TRAPPC9: variants seen among roughly 807,000 people sequenced by gnomAD.
TRAPPC9 encodes IKK2 binding protein.
A neutral mutation model predicts 124.0 loss-of-function variants in TRAPPC9; 83 were observed. The ratio of observed to expected loss-of-function variants is 0.67; its 90% confidence interval spans 0.56 to 0.80. The LOEUF (loss-of-function observed/expected upper bound fraction) is 0.80. Among genes scored for constraint, TRAPPC9 ranks in the 30% least tolerant of loss-of-function variants. TRAPPC9 has a pLI of 0.00. For missense variants in TRAPPC9, 1,302 were observed against 1,508.3 expected (o/e 0.86, Z 2.27); for synonymous variants, 638 against 617.5 (o/e 1.03, Z -0.49).
At chr8:140,201,233 C>T (rs2062782669) in intron 17 of TRAPPC9, among the ~76,000 whole-genome samples, 1 of 152,160 alleles carries the variant, frequency 6.6e-6, no homozygotes, top group South Asian at 2.1e-4. Flanking sequence ...CAGAAACCTG[C>T]GGGTCCAGCC....
intron 20 of TRAPPC9, among the ~76,000 whole-genome samples, chr8:139,894,009 C>A: frequency 6.6e-6 from 1 of 152,256 alleles, no homozygotes; most frequent in Non-Finnish European, 1.5e-5. Context: ...TCTGTGGCAA[C>A]CGCTTGGCAC....
chr8:140,458,472 T>C, upstream of TRAPPC9: 1 of 1,572,530 alleles, frequency 6.4e-7, no homozygotes, highest in East Asian at 2.4e-5. Flanking sequence ...GCCTCCAGGA[T>C]CGCAGGGCCC....
chr8:140,169,119 A>G (rs1462667311), intron 17 of TRAPPC9, among the ~76,000 whole-genome samples: 1 of 150,972 alleles, frequency 6.6e-6, no homozygotes, highest in Non-Finnish European at 1.5e-5. Context: ...GGAAGCTGGG[A>G]AAAATTCATT....
rs544423111 is a variant in TRAPPC9 at position 139,793,729 on chromosome 8, C to T, written c.3056-61527G>A. Among the ~76,000 whole-genome samples, 188 of 152,294 alleles carry T rather than the reference C, an allele frequency of 1.2e-3. 1 individual carries two copies. The highest frequency in any genetic ancestry group is 1.5e-3 in the Non-Finnish European group (103 of 68,028). Reference sequence around the variant, plus strand: ...TGTTTAGAGAGGTGGTACGGTACACCGTGGGTGGTACACAAGTCAGCCCAG... The same window carrying T: ...TGTTTAGAGAGGTGGTACGGTACACTGTGGGTGGTACACAAGTCAGCCCAG... On this transcript the variant is annotated intron_variant, in intron 21 of 22. Transcript: ENST00000438773.
intron 21 of TRAPPC9, among the ~76,000 whole-genome samples, chr8:139,766,633 G>T (rs953684008): frequency 6.6e-6 from 1 of 152,142 alleles, no homozygotes; most frequent in Admixed American, 6.5e-5. Context: ...CATTGATAAC[G>T]ACCTAACCGG....
At chr8:139,763,918 C>T (rs1204573310) in intron 21 of TRAPPC9, among the ~76,000 whole-genome samples, 1 of 152,202 alleles carries the variant, frequency 6.6e-6, no homozygotes, top group South Asian at 2.1e-4. Context: ...ACTGGGGACA[C>T]CGAGGAGGAC....
At position 140,351,781 on chromosome 8, in the gene TRAPPC9, G is replaced by A. The variant is rs925397268; in HGVS notation, c.1495+8269C>T. The stretch of plus-strand genomic sequence containing the variant: ...CAGGGATGACTGTGCTTCCCATCAC[G>A]CTTACAGTGGGCTGGCATGACCACA... On this transcript the variant is annotated intron_variant, in intron 9 of 22. Transcript: ENST00000438773. Among the ~76,000 whole-genome samples, 5 of 152,152 alleles carry A rather than the reference G, an allele frequency of 3.3e-5. No homozygotes were observed. The South Asian group carries it at 6.2e-4, about 19-fold the overall frequency.
intron 20 of TRAPPC9, among the ~76,000 whole-genome samples, chr8:139,909,042 T>A (rs1340087187): frequency 6.6e-6 from 1 of 152,132 alleles, no homozygotes; most frequent in Non-Finnish European, 1.5e-5. Context: ...AGGCTCAAAG[T>A]CCCTTTAGCT....
At chr8:140,337,056 C>T (rs2067062246) in intron 9 of TRAPPC9, among the ~76,000 whole-genome samples, 1 of 152,142 alleles carries the variant, frequency 6.6e-6, no homozygotes, top group South Asian at 2.1e-4. Context: ...GATCCAACAA[C>T]CACTGAGTAA....
At chr8:140,253,475 C>T (rs1385576177) in intron 15 of TRAPPC9, among the ~76,000 whole-genome samples, 1 of 152,048 alleles carries the variant, frequency 6.6e-6, no homozygotes, top group Non-Finnish European at 1.5e-5. Context: ...ATCAGGAGTT[C>T]CAGTCCAGCC....
At chr8:140,249,463 G>T (rs946171536) in intron 16 of TRAPPC9, among the ~76,000 whole-genome samples, 5 of 151,880 alleles carry the variant, frequency 3.3e-5, no homozygotes, top group African/African-American at 1.2e-4. Context: ...CACATATTTG[G>T]TATTGTAAAT....
intron 17 of TRAPPC9, among the ~76,000 whole-genome samples, chr8:140,029,799 C>A (rs1290785017): frequency 6.6e-6 from 1 of 151,616 alleles, no homozygotes; most frequent in African/African-American, 2.4e-5. Context: ...TTTTATGAGA[C>A]CAATATTACT....
intron 13 of TRAPPC9, among the ~76,000 whole-genome samples, chr8:140,286,806 A>G (rs548258343): frequency 6.6e-6 from 1 of 152,268 alleles, no homozygotes; most frequent in East Asian, 1.9e-4. Context: ...AATCATCTGC[A>G]CATTGGAGGA....
chr8:139,735,238 T>A (rs1359594135), intron 21 of TRAPPC9, among the ~76,000 whole-genome samples: 1 of 152,228 alleles, frequency 6.6e-6, no homozygotes, highest in African/African-American at 2.4e-5. Context: ...TTCTGTAACA[T>A]GGAGCCAATT....
chr8:139,833,266 T>C (rs527482043), intron 21 of TRAPPC9, among the ~76,000 whole-genome samples: 1 of 152,344 alleles, frequency 6.6e-6, no homozygotes, highest in South Asian at 2.1e-4. Flanking sequence ...ATAAAACCTA[T>C]AGCCCCCTTC....
intron 20 of TRAPPC9, among the ~76,000 whole-genome samples, chr8:139,898,776 C>G (rs929289568): frequency 6.6e-6 from 1 of 152,110 alleles, no homozygotes; most frequent in African/African-American, 2.4e-5. Context: ...ATCTCAATCC[C>G]TTCCGTGAAT....
intron 21 of TRAPPC9, among the ~76,000 whole-genome samples, chr8:139,799,337 T>G (rs1439760196): frequency 6.6e-6 from 1 of 152,228 alleles, no homozygotes; most frequent in Non-Finnish European, 1.5e-5. Context: ...CAACCTTTTT[T>G]GCACTATCAG....
At chr8:139,991,358 G>C (rs1178855237) in intron 18 of TRAPPC9, among the ~76,000 whole-genome samples, 2 of 152,114 alleles carry the variant, frequency 1.3e-5, no homozygotes, top group African/African-American at 4.8e-5. Context: ...TGAGTGTGGG[G>C]GCGTCTGATC....
chr8:140,426,565 C>A (rs1483972085), intron 5 of TRAPPC9, 50 bp downstream of exon 5: 1 of 1,569,726 alleles, frequency 6.4e-7, no homozygotes, highest in Non-Finnish European at 8.8e-7. Flanking sequence ...CACCATGAAA[C>A]AAGCACTTAA....
Sources: allele counts gnomAD v4.1 joint callset (sites outside exome capture counted in the v4.1 genomes callset), GRCh38; gene constraint gnomAD v4.1.1; transcripts MANE v1.5; gene names NCBI Gene and HGNC (gene_info 2026-07-23, HGNC 2026-07-21).